EBF1: variants seen among roughly 807,000 people sequenced by gnomAD.
The protein encoded by EBF1 is EBF transcription factor 1, also known as transcription factor COE1.
A neutral mutation model predicts 68.4 loss-of-function variants in EBF1; 10 were observed. That is an observed-to-expected ratio of 0.15 (90% CI 0.09 to 0.25). The LOEUF (loss-of-function observed/expected upper bound fraction) is 0.25. Ranked by LOEUF, EBF1 falls within the 10% of genes least tolerant of loss-of-function variation. The pLI is 1.00. For missense variants in EBF1, 509 were observed against 794.4 expected, an observed-to-expected ratio of 0.64 and a Z score of 4.32; for synonymous variants, 298 against 299.8, an observed-to-expected ratio of 0.99 and a Z score of 0.06.
At chr5:159,035,592 CTT>C (rs909417144) in intron 6 of EBF1, among the ~76,000 whole-genome samples, 1 of 152,212 alleles carries the variant, frequency 6.6e-6, no homozygotes, top group Admixed American at 6.5e-5. Context: ...TAGCTGTAGA[CTT>C]TGTACAATTC....
intron 6 of EBF1, among the ~76,000 whole-genome samples, chr5:158,877,421 T>G (rs1333508638): frequency 1.3e-5 from 2 of 152,052 alleles, no homozygotes; most frequent in Non-Finnish European, 2.9e-5. Flanking sequence ...CGGCAAAAAT[T>G]TCTCTCATAC....
chr5:158,859,920 G>A (rs1794686119), intron 6 of EBF1, among the ~76,000 whole-genome samples: 1 of 152,180 alleles, frequency 6.6e-6, no homozygotes, highest in Non-Finnish European at 1.5e-5. Flanking sequence ...AACCGTCTAT[G>A]TGAAGGGAAC....
intron 6 of EBF1, among the ~76,000 whole-genome samples, chr5:158,912,868 T>C (rs1233012099): frequency 6.6e-6 from 1 of 152,200 alleles, no homozygotes. Context: ...TTCTAGTAGT[T>C]ATTCTTGCAG....
At chr5:159,019,575 T>C (rs1279548056) in intron 6 of EBF1, among the ~76,000 whole-genome samples, 2 of 152,256 alleles carry the variant, frequency 1.3e-5, no homozygotes, top group East Asian at 1.9e-4. Context: ...CAAAGTGTTT[T>C]ATATCTGCCT....
At chr5:158,880,220 C>T (rs1252432897) in intron 6 of EBF1, among the ~76,000 whole-genome samples, 2 of 151,388 alleles carry the variant, frequency 1.3e-5, no homozygotes, top group Non-Finnish European at 2.9e-5. Flanking sequence ...CCACACTCAG[C>T]CCCCCGTCTC....
At chr5:158,949,514 T>C (rs1815536349) in intron 6 of EBF1, among the ~76,000 whole-genome samples, 1 of 152,008 alleles carries the variant, frequency 6.6e-6, no homozygotes, top group East Asian at 1.9e-4. Flanking sequence ...AAAAAGAAAA[T>C]ATTTTCTTCA....
At chr5:158,709,415 C>T (rs745781879) in intron 14 of EBF1, among the ~76,000 whole-genome samples, 6 of 152,132 alleles carry the variant, frequency 3.9e-5, no homozygotes, top group African/African-American at 9.6e-5. Context: ...AGCTAGAATG[C>T]GCTGAAGCAA....
intron 6 of EBF1, among the ~76,000 whole-genome samples, chr5:158,930,697 C>A (rs998009223): frequency 6.6e-6 from 1 of 152,156 alleles, no homozygotes; most frequent in Non-Finnish European, 1.5e-5. Context: ...ATTCAAAATG[C>A]TTGTTCACAT....
intron 6 of EBF1, among the ~76,000 whole-genome samples, chr5:158,903,063 C>A (rs1803794378): frequency 6.6e-6 from 1 of 152,088 alleles, no homozygotes; most frequent in Non-Finnish European, 1.5e-5. Context: ...CTTTGGAGGA[C>A]AAATTAGCAC....
chr5:159,077,852 C>T (rs1319048641), intron 5 of EBF1, among the ~76,000 whole-genome samples: 1 of 150,004 alleles, frequency 6.7e-6, no homozygotes, highest in Non-Finnish European at 1.5e-5. Flanking sequence ...GATCCTCCCA[C>T]CTCAGGCCCT....
chr5:158,799,416 AAAAT>A (rs201246961), intron 8 of EBF1, among the ~76,000 whole-genome samples: 11,998 of 113,692 alleles, frequency 0.11, 546 homozygotes, highest in South Asian at 0.13. Context: ...TCTGTCTCTT[AAAAT>A]AAATAAATAA....
At chr5:158,728,446 A>G (rs1205399058) in intron 11 of EBF1, among the ~76,000 whole-genome samples, 4 of 152,202 alleles carry the variant, frequency 2.6e-5, no homozygotes, top group Non-Finnish European at 5.9e-5. Flanking sequence ...CAACCATAAA[A>G]GTGTTTTCAA....
intron 14 of EBF1, among the ~76,000 whole-genome samples, chr5:158,711,808 G>C (rs1324473613): frequency 1.3e-5 from 2 of 152,162 alleles, no homozygotes; most frequent in Non-Finnish European, 2.9e-5. Context: ...TGAGTAGCTG[G>C]TGGTAACTGG....
At chr5:158,773,864 A>C (rs1048255272) in intron 10 of EBF1, among the ~76,000 whole-genome samples, 9 of 152,156 alleles carry the variant, frequency 5.9e-5, no homozygotes, top group Admixed American at 3.9e-4. Context: ...AGAATAATAA[A>C]GGTATTAGGG....
At chr5:159,080,277 C>T (rs545415427) in intron 5 of EBF1, among the ~76,000 whole-genome samples, 1 of 152,138 alleles carries the variant, frequency 6.6e-6, no homozygotes, top group Non-Finnish European at 1.5e-5. Context: ...CAAGTATTTC[C>T]TCCCTTCTCT....
At chr5:158,993,095 AT>A (rs1216932719) in intron 6 of EBF1, among the ~76,000 whole-genome samples, 3 of 150,882 alleles carry the variant, frequency 2.0e-5, no homozygotes, top group African/African-American at 7.3e-5. Context: ...CACCCAGCTA[AT>A]TTTTTTGTAT....
intron 6 of EBF1, among the ~76,000 whole-genome samples, chr5:158,847,594 G>A (rs1287965556): frequency 1.3e-5 from 2 of 152,150 alleles, no homozygotes; most frequent in African/African-American, 4.8e-5. Flanking sequence ...TTATCCTCAC[G>A]GATGTTCTTT....
Position 158,714,117 on chromosome 5 carries a change from C to T in EBF1, c.1191G>A (p.Gln397=). The part of the protein sequence containing the change: ...EALYGMPHNN[Q]EIILKRAADI... ...CAGGCTAGACACCCACAGCGCTCACCTGGTTGTTGTGTGGCATCCCATACA... is the reference window on the plus strand; with the variant it reads ...CAGGCTAGACACCCACAGCGCTCACTTGGTTGTTGTGTGGCATCCCATACA... The change falls in exon 12 of 16, where the codon CAG becomes CAA. Residue 397 remains glutamine, a splice_region_variant and synonymous_variant. Transcript: ENST00000313708. The T allele has an allele frequency of 6.2e-7, 1 of 1,614,218 alleles. No homozygotes were observed. Among genetic ancestry groups the T allele is most frequent in the Non-Finnish European group, 8.5e-7 (1 of 1,180,020 alleles).
chr5:158,701,657 G>C (rs547985062), intron 15 of EBF1, among the ~76,000 whole-genome samples: 2 of 152,316 alleles, frequency 1.3e-5, no homozygotes, highest in East Asian at 3.9e-4. Flanking sequence ...AATGCCACTG[G>C]GCAGGAATGC....
Sources: allele counts gnomAD v4.1 joint callset (sites outside exome capture counted in the v4.1 genomes callset), GRCh38; gene constraint gnomAD v4.1.1; transcripts MANE v1.5; gene names NCBI Gene and HGNC (gene_info 2026-07-23, HGNC 2026-07-21).